Variants in LCLAT1 observed in about 807,000 individuals in gnomAD.
The protein encoded by LCLAT1 is lysocardiolipin acyltransferase 1, also known as 1-AGP acyltransferase 8.
Under a neutral mutation model 30.7 loss-of-function variants are expected in LCLAT1, and 11 were observed. The observed-to-expected ratio is 0.36, with a 90% CI of 0.23 to 0.59. LCLAT1 has a LOEUF of 0.59. LCLAT1 is among the 20% of genes least tolerant of loss of function. The pLI, the probability that LCLAT1 is intolerant of heterozygous loss-of-function variation, is 0.77. For missense variants in LCLAT1, 402 were observed against 458.6 expected, an observed-to-expected ratio of 0.88 and a Z score of 1.13; for synonymous variants, 155 against 151.3, an observed-to-expected ratio of 1.02 and a Z score of -0.18.
At chr2:30,496,886 T>C (rs975639131) in intron 1 of LCLAT1, among the ~76,000 whole-genome samples, 1 of 151,952 alleles carries the variant, frequency 6.6e-6, no homozygotes, top group African/African-American at 2.4e-5. Flanking sequence ...AAGCCCAAAA[T>C]CAAAACAAAA....
chr2:30,576,674 G>T (rs1478545968), intron 5 of LCLAT1, among the ~76,000 whole-genome samples: 1 of 151,998 alleles, frequency 6.6e-6, no homozygotes. Context: ...CATTGTGAAT[G>T]TATATGCTTC....
intron 5 of LCLAT1, among the ~76,000 whole-genome samples, chr2:30,576,899 T>C (rs1666012912): frequency 6.6e-6 from 1 of 151,934 alleles, no homozygotes; most frequent in Non-Finnish European, 1.5e-5. Context: ...AAAGTAATAT[T>C]AAAACAGTAC....
At chr2:30,536,984 C>T (rs543631672) in intron 3 of LCLAT1, among the ~76,000 whole-genome samples, 1 of 151,774 alleles carries the variant, frequency 6.6e-6, no homozygotes, top group African/African-American at 2.4e-5. Flanking sequence ...ACTGACTTCA[C>T]CCGTGAAGAA....
chr2:30,636,991 A>C (rs1210106847), intron 5 of LCLAT1, among the ~76,000 whole-genome samples: 1 of 152,196 alleles, frequency 6.6e-6, no homozygotes, highest in Non-Finnish European at 1.5e-5. Flanking sequence ...TTGAGGAGAG[A>C]AGTATTTACA....
intron 1 of LCLAT1, among the ~76,000 whole-genome samples, chr2:30,489,511 C>T (rs1683731203): frequency 1.3e-5 from 2 of 152,102 alleles, no homozygotes; most frequent in South Asian, 4.1e-4. Context: ...TGCTGCCATG[C>T]CCAGCTGATT....
chr2:30,454,583 G>A (rs1489894613), intron 1 of LCLAT1, among the ~76,000 whole-genome samples: 2 of 151,878 alleles, frequency 1.3e-5, no homozygotes, highest in African/African-American at 2.4e-5. Context: ...TCCCAGAGTA[G>A]CTGGTACTAC....
chr2:30,464,472 A>G (rs1682320786), intron 1 of LCLAT1, among the ~76,000 whole-genome samples: 1 of 152,190 alleles, frequency 6.6e-6, no homozygotes, highest in Non-Finnish European at 1.5e-5. Context: ...TTAGTTTATT[A>G]TTACCCAACT....
intron 1 of LCLAT1, among the ~76,000 whole-genome samples, chr2:30,507,391 TG>T (rs1684719669): frequency 6.6e-6 from 1 of 152,184 alleles, no homozygotes; most frequent in Non-Finnish European, 1.5e-5. Flanking sequence ...ACTTGTGTCA[TG>T]GGGGTTTGTT....
At chr2:30,557,288 G>A (rs1664967721) in intron 3 of LCLAT1, among the ~76,000 whole-genome samples, 1 of 100,570 alleles carries the variant, frequency 9.9e-6, no homozygotes, top group African/African-American at 3.3e-5. Flanking sequence ...ATGATCGTGT[G>A]TGTGTGTGTG....
chr2:30,523,267 GTTT>G (rs11325119), intron 1 of LCLAT1, among the ~76,000 whole-genome samples: 1 of 145,960 alleles, frequency 6.9e-6, no homozygotes. Flanking sequence ...ATGTTCGTAG[GTTT>G]TTTTTTTTTT....
At position 30,569,085 on chromosome 2, in the gene LCLAT1, T is replaced by C. The variant is rs201887905; in HGVS notation, c.628+909T>C. Among the ~76,000 whole-genome samples the C allele has an allele frequency of 5.3e-5, 8 of 152,266 alleles. No homozygotes were observed. In the East Asian group the frequency reaches 1.4e-3, roughly 26 times the overall value. On this transcript the variant is annotated intron_variant, in intron 5 of 5. Transcript: ENST00000379509. ...CTACCTCTACTATTTTATAGTTAAA[T>C]AGAACTGGCATCCAGTGCGGTAAGT...
intron 1 of LCLAT1, among the ~76,000 whole-genome samples, chr2:30,455,312 T>G (rs1681778306): frequency 6.6e-6 from 1 of 152,168 alleles, no homozygotes; most frequent in Non-Finnish European, 1.5e-5. Flanking sequence ...TGGGGAGATA[T>G]TTATACTAGC....
intron 1 of LCLAT1, among the ~76,000 whole-genome samples, chr2:30,508,170 G>A (rs1181051759): frequency 6.6e-6 from 1 of 151,926 alleles, no homozygotes; most frequent in South Asian, 2.1e-4. Flanking sequence ...TTTTATAGAT[G>A]CTGGATATTA....
chr2:30,511,262 G>A (rs575927743), intron 1 of LCLAT1, among the ~76,000 whole-genome samples: 22 of 152,166 alleles, frequency 1.4e-4, no homozygotes, highest in Non-Finnish European at 2.8e-4. Flanking sequence ...TGATCTGACC[G>A]CCTCGGCCTC....
chr2:30,611,808 C>A (rs1041759989), intron 5 of LCLAT1, among the ~76,000 whole-genome samples: 3 of 152,078 alleles, frequency 2.0e-5, no homozygotes, highest in Admixed American at 6.6e-5. Context: ...AGGAGGATGA[C>A]GCAGAACTCA....
At chr2:30,459,660 AATTAACGAG>A (rs772605763) in intron 1 of LCLAT1, 6 of 1,614,084 alleles carry the variant, frequency 3.7e-6, no homozygotes, top group Non-Finnish European at 5.1e-6. Context: ...ACCCATGGTC[AATTAACGAG>A]GCAGTTTCTA....
chr2:30,507,206 G>T (rs1398015004), intron 1 of LCLAT1, among the ~76,000 whole-genome samples: 1 of 145,862 alleles, frequency 6.9e-6, no homozygotes, highest in Non-Finnish European at 1.5e-5. Flanking sequence ...TTATAAAGTT[G>T]TCTGATATAT....
At chr2:30,468,000 A>G (rs1233846907) in intron 1 of LCLAT1, among the ~76,000 whole-genome samples, 12 of 152,214 alleles carry the variant, frequency 7.9e-5, no homozygotes, top group Admixed American at 2.0e-4. Flanking sequence ...TGTTTTAGAC[A>G]TGAAGTCCTT....
intron 3 of LCLAT1, among the ~76,000 whole-genome samples, chr2:30,560,033 A>G (rs1286789810): frequency 6.6e-6 from 1 of 151,946 alleles, no homozygotes; most frequent in East Asian, 1.9e-4. Flanking sequence ...TAGTGGTTTC[A>G]CTCCAGAGCT....
Sources: allele counts gnomAD v4.1 joint callset (sites outside exome capture counted in the v4.1 genomes callset), GRCh38; gene constraint gnomAD v4.1.1; transcripts MANE v1.5; gene names NCBI Gene and HGNC (gene_info 2026-07-23, HGNC 2026-07-21).